The following ZZEF1 variants were observed in gnomAD, a reference collection of about 807,000 sequenced individuals.
ZZEF1 encodes the protein zinc finger ZZ-type and EF-hand domain-containing protein 1.
In ZZEF1, 157 loss-of-function variants were observed where a neutral mutation model predicts 342.8. The ratio of observed to expected loss-of-function variants is 0.46; its 90% confidence interval spans 0.40 to 0.52. The LOEUF (loss-of-function observed/expected upper bound fraction) is 0.52. Ranked by LOEUF, ZZEF1 falls within the 20% of genes least tolerant of loss-of-function variation. The pLI, the probability that ZZEF1 is intolerant of heterozygous loss-of-function variation, is 0.00. For missense variants in ZZEF1, 3,480 were observed against 3,725.6 expected (o/e 0.93, Z 1.72); for synonymous variants, 1,505 against 1,429.1 (o/e 1.05, Z -1.20).
Position 4,064,825 on chromosome 17 carries a change from T to G in ZZEF1, c.4254A>C (p.Lys1418Asn). The change falls in exon 29 of 55, where the codon AAA (lysine) becomes AAC (asparagine). Residue 1418 changes from lysine to asparagine, a missense_variant. Lys to Asn is a moderately conservative substitution (Grantham distance 94). This residue lies in a region of ZZEF1 where 1,528 missense variants were observed against 1,624.1 expected (regional missense o/e 0.94). Coordinates refer to ENST00000381638, the MANE Select transcript of ZZEF1 (RefSeq NM_015113.4). The stretch of plus-strand genomic sequence containing the variant: ...ATAGAAGACTCTTCTCAATGCACTC[T>G]TTTGCTAGATGCAAACAAGAATCAT... ...ATEVNPESLA[K>N]ECIEKSLLLL... 5 of 1,568,186 alleles carry G rather than the reference T, an allele frequency of 3.2e-6. 1 individual carries two copies. In the South Asian group the frequency reaches 5.8e-5, roughly 18 times the overall value.
Position 4,014,137 on chromosome 17 carries a change from C to A in ZZEF1, c.8366G>T (p.Gly2789Val). The A allele has an allele frequency of 6.2e-7, 1 of 1,614,150 alleles. No homozygotes were observed. Among genetic ancestry groups the A allele is most frequent in the South Asian group, 1.1e-5 (1 of 91,082 alleles). ...FTSDMSNTEW[G>V]YRFTVTAGHL... The stretch of plus-strand genomic sequence containing the variant: ...TCCGGCCGTCACGGTGAATCTGTAG[C>A]CCCACTCGGTGTTGCTCATGTCGGA... Residue 2789 changes from glycine (G) to valine (V), a missense_variant, in exon 51 of 55, where the codon GGC (glycine) becomes GTC (valine). This residue lies in a region of ZZEF1 where 1,269 missense variants were observed against 1,342.4 expected (regional missense o/e 0.95). Coordinates refer to ENST00000381638, the MANE Select transcript of ZZEF1 (RefSeq NM_015113.4). This position sits in a 1 kb window ranked among gnomAD's most constrained non-coding sequence, Gnocchi z 4.4.
intron 9 of ZZEF1, among the ~76,000 whole-genome samples, chr17:4,099,807 A>G (rs1424848612): frequency 6.6e-6 from 1 of 151,956 alleles, no homozygotes; most frequent in Non-Finnish European, 1.5e-5. Context: ...CGGCCTCCCA[A>G]ATTGCTGGGA....
intron 9 of ZZEF1, among the ~76,000 whole-genome samples, chr17:4,097,477 GA>G (rs1174680383): frequency 0.36 from 5,039 of 13,890 alleles, 275 homozygotes; most frequent in African/African-American, 0.48. Context: ...TTTGAAATGG[GA>G]AAAAAAAAAA....
In ZZEF1 at chr17:4,117,169, A is replaced by C; in HGVS notation, c.500-3T>G. On this transcript the variant is annotated splice_polypyrimidine_tract_variant and splice_region_variant and intron_variant, in intron 2 of 54. Transcript: ENST00000381638. ...CTCTGAAAATATGTCTGTGAAACCT[A>C]AACAGATGAAATCCATTTTTGGTGT... 1 of 1,602,962 alleles carries C rather than the reference A, an allele frequency of 6.2e-7. No homozygotes were observed. Among genetic ancestry groups the C allele is most frequent in the Non-Finnish European group, 8.5e-7 (1 of 1,171,956 alleles).
rs1416635903 is a variant in ZZEF1, at chr17:4,008,859, G to C, written c.8805+24C>G. ...TGGTGGCGCCCCAGCCTGGGGGCCA[G>C]CTCTGTTGGGGTGGAGAGAGTACCT... On this transcript the variant is annotated intron_variant, in intron 54 of 54. Coordinates refer to ENST00000381638, the MANE Select transcript of ZZEF1 (RefSeq NM_015113.4). The surrounding 1 kb of genome is among the most constrained non-coding windows in gnomAD (Gnocchi z 4.2). 3.2e-6 allele frequency: 5 copies of C among 1,544,398 alleles called. No individual in the cohort carries two copies. In the South Asian group the frequency reaches 5.9e-5, roughly 18 times the overall value.
At chr17:4,090,624 G>A in intron 12 of ZZEF1, 95 bp downstream of exon 12, 1 of 954,650 alleles carries the variant, frequency 1.0e-6, no homozygotes, top group South Asian at 1.4e-5. Context: ...TTCGCCTCTG[G>A]GGTTGTAGCA....
At chr17:4,120,829 T>C (rs572720893) in intron 2 of ZZEF1, among the ~76,000 whole-genome samples, 23 of 152,220 alleles carry the variant, frequency 1.5e-4, no homozygotes, top group Non-Finnish European at 2.9e-4. Flanking sequence ...TGTTTTCATA[T>C]GCTGAAACAT....
chr17:4,057,723 C>T (rs951606443), intron 32 of ZZEF1, among the ~76,000 whole-genome samples: 16 of 152,336 alleles, frequency 1.1e-4, no homozygotes, highest in South Asian at 6.2e-4. Flanking sequence ...GCATGCCAGA[C>T]GCGGTTCTAA....
Position 4,062,774 on chromosome 17 carries a change from G to A in ZZEF1, c.4862C>T (p.Thr1621Ile), listed in dbSNP as rs767410645. 4.3e-6 allele frequency: 7 copies of A among 1,609,322 alleles called. No homozygotes were observed. Among genetic ancestry groups the A allele is most frequent in the African/African-American group, 1.3e-5 (1 of 74,848 alleles). ...TTACTTGGTAAAATCTTTCTGACAG[G>A]TCAGAAGTTCCAACAGGAAAAGTAT... Reference protein sequence around the residue: ...PFILFLLELLTCQKDFTNYFG... With the variant: ...PFILFLLELLICQKDFTNYFG... The change falls in exon 30 of 55, where the codon ACC (threonine) becomes ATC (isoleucine). Residue 1621 changes from threonine (T) to isoleucine (I), a missense_variant. Thr to Ile is a moderately conservative substitution (Grantham distance 89). Transcript: ENST00000381638.
At position 4,042,496 on chromosome 17, in the gene ZZEF1, A is replaced by G; in HGVS notation, c.6239T>C (p.Val2080Ala). 6.2e-7 allele frequency: 1 copy of G among 1,614,092 alleles called. No homozygotes were observed. Among genetic ancestry groups the G allele is most frequent in the Non-Finnish European group, 8.5e-7 (1 of 1,179,992 alleles). Residue 2080 changes from valine (V) to alanine (A), a missense_variant, in exon 39 of 55, where the codon GTG (valine) becomes GCG (alanine). Physicochemically the swap from Val to Ala is moderately conservative, Grantham distance 64. Coordinates refer to ENST00000381638, the MANE Select transcript of ZZEF1 (RefSeq NM_015113.4). ...EKAVTPSPEQ[V>A]FAECSQKRIL... is the part of the protein sequence containing the mutation. Reference sequence around the variant, plus strand: ...CCTCTTCTGGGAACACTCAGCAAACACTTGCTCAGGGCTTGGAGTAACTGC... The same window carrying G: ...CCTCTTCTGGGAACACTCAGCAAACGCTTGCTCAGGGCTTGGAGTAACTGC...
At chr17:4,075,231 C>T (rs780654100) in intron 22 of ZZEF1, 32 bp downstream of exon 22, 14 of 1,613,436 alleles carry the variant, frequency 8.7e-6, no homozygotes, top group South Asian at 4.4e-5. Context: ...GACCTATTAG[C>T]GCTTGGGGGT....
In ZZEF1 at chr17:4,102,393, A is replaced by G. The variant is rs774493106; in HGVS notation, c.1596T>C (p.Leu532=). 1.9e-6 allele frequency: 3 copies of G among 1,613,824 alleles called. No individual in the cohort carries two copies. The highest frequency in any genetic ancestry group is 2.5e-6 in the Non-Finnish European group (3 of 1,179,748). Residue 532 remains leucine (L), a synonymous_variant, in exon 9 of 55, where the codon CTT becomes CTC. Coordinates refer to ENST00000381638, the MANE Select transcript of ZZEF1 (RefSeq NM_015113.4). ...CTTTTCCTTTGACATCACATGCCTG[A>G]AGAGTCAACTGGAGAGGTTTACCTG... The part of the protein sequence containing the change: ...LKYGKPLQLT[L]QACDVKGKED...
intron 1 of ZZEF1, among the ~76,000 whole-genome samples, chr17:4,140,218 C>G (rs2058820443): frequency 6.6e-6 from 1 of 152,164 alleles, no homozygotes; most frequent in South Asian, 2.1e-4. Flanking sequence ...TTTTCTGTCC[C>G]TTGAAAAAGT....
At chr17:4,045,210 T>C (rs1256371938) in intron 37 of ZZEF1, among the ~76,000 whole-genome samples, 1 of 152,134 alleles carries the variant, frequency 6.6e-6, no homozygotes, top group Non-Finnish European at 1.5e-5. Flanking sequence ...CAAATGTCCC[T>C]CTGTCAGAGC....
intron 1 of ZZEF1, among the ~76,000 whole-genome samples, chr17:4,126,363 G>A (rs766444589): frequency 2.0e-5 from 3 of 151,950 alleles, no homozygotes; most frequent in African/African-American, 7.3e-5. Flanking sequence ...CTAAACAAAC[G>A]CATTTACCTC....
At chr17:4,048,493 G>A (rs2056973355) in intron 37 of ZZEF1, among the ~76,000 whole-genome samples, 4 of 152,144 alleles carry the variant, frequency 2.6e-5, no homozygotes, top group African/African-American at 9.7e-5. Flanking sequence ...ACAAGCTCTG[G>A]AGGCAGCATC....
intron 9 of ZZEF1, among the ~76,000 whole-genome samples, chr17:4,098,553 T>C (rs144783369): frequency 4.6e-5 from 7 of 152,234 alleles, no homozygotes; most frequent in African/African-American, 1.4e-4. Context: ...AAAAGTCTTC[T>C]GCTAGACCCA....
At chr17:4,124,490 C>T (rs1384948133) in intron 1 of ZZEF1, among the ~76,000 whole-genome samples, 1 of 152,106 alleles carries the variant, frequency 6.6e-6, no homozygotes, top group Non-Finnish European at 1.5e-5. Context: ...TCGCCCAGGC[C>T]GGAGTGCAGT....
intron 28 of ZZEF1, 49 bp from the exon 29 acceptor site, chr17:4,064,878 T>C (rs759731243): frequency 8.8e-7 from 1 of 1,138,888 alleles, no homozygotes. Flanking sequence ...GTTAAAATTA[T>C]GGGGGAGGGG....
Sources: gnomAD v4.1 joint callset for allele counts (sites outside exome capture counted in the v4.1 genomes callset) on GRCh38, gnomAD v4.1.1 for gene constraint, gnomAD v4.1.1 regional missense constraint, Gnocchi (gnomAD v3.1) non-coding constraint, MANE v1.5 for transcripts, NCBI Gene and HGNC (gene_info 2026-07-23, HGNC 2026-07-21) for gene names.